The following COL4A4 variants were observed in gnomAD, a reference collection of about 807,000 sequenced individuals.
COL4A4 encodes the protein collagen alpha-4(IV) chain.
COL4A4 carries 105 observed loss-of-function variants against 192.9 expected under a neutral mutation model. The observed-to-expected ratio is 0.54, with a 90% CI of 0.46 to 0.64. COL4A4 has a LOEUF of 0.64. COL4A4 is among the 30% of genes least tolerant of loss of function. The pLI, the probability that COL4A4 is intolerant of heterozygous loss-of-function variation, is 0.00. For missense variants in COL4A4, 1,967 were observed against 2,169.3 expected (o/e 0.91, Z 1.85); for synonymous variants, 762 against 769.9 (o/e 0.99, Z 0.17).
intron 44 of COL4A4, among the ~76,000 whole-genome samples, chr2:227,016,157 G>C (rs1460845658): frequency 6.6e-6 from 1 of 151,948 alleles, no homozygotes; most frequent in African/African-American, 2.4e-5. Flanking sequence ...CTGGCATCTA[G>C]CAGGATAGGG....
intron 22 of COL4A4, among the ~76,000 whole-genome samples, chr2:227,084,078 G>A (rs533503715): frequency 1.3e-5 from 2 of 152,320 alleles, no homozygotes; most frequent in African/African-American, 4.8e-5. Flanking sequence ...AAAAAGGTGG[G>A]TAGAACAAAT....
At chr2:226,988,505 G>A in the COL4A4 span, 2 of 1,526,438 alleles carry the variant, frequency 1.3e-6, no homozygotes, top group African/African-American at 1.4e-5. Context: ...CTCAGGCCTT[G>A]CGAGGTGGAT....
At position 227,022,443 on chromosome 2, in the gene COL4A4, A is replaced by G; in HGVS notation, c.4091-270T>C. On this transcript the variant is annotated intron_variant, in intron 43 of 47. Coordinates refer to ENST00000396625, the MANE Select transcript of COL4A4 (RefSeq NM_000092.5). Reference sequence around the variant, plus strand: ...TGAATGGAGTATCAGAGGATGCAGAAGTATGAAACAGTGAAGGTCGGATGA... The same window carrying G: ...TGAATGGAGTATCAGAGGATGCAGAGGTATGAAACAGTGAAGGTCGGATGA... 6.0e-6 allele frequency: 4 copies of G among 667,362 alleles called. No individual in the cohort carries two copies. The Admixed American group carries it at 7.2e-5, about 12-fold the overall frequency. 41.3% of individuals were successfully genotyped at this position (667,362 alleles called of 1,614,324 possible).
chr2:227,115,319 G>A (rs2061434804), intron 7 of COL4A4, among the ~76,000 whole-genome samples: 1 of 139,338 alleles, frequency 7.2e-6, no homozygotes, highest in African/African-American at 2.8e-5. Flanking sequence ...CTACCAGGCT[G>A]GAGTGCAGTG....
At chr2:227,114,833 C>A in intron 7 of COL4A4, 137 bp from the exon 8 acceptor site, 2 of 727,254 alleles carry the variant, frequency 2.8e-6, no homozygotes, top group Non-Finnish European at 4.8e-6. Flanking sequence ...TTTCTGTATC[C>A]TCTTCCATAT....
At chr2:227,023,259 G>A (rs1340005882) in intron 43 of COL4A4, among the ~76,000 whole-genome samples, 1 of 151,050 alleles carries the variant, frequency 6.6e-6, no homozygotes, top group East Asian at 1.9e-4. Context: ...TGGCCAACAT[G>A]GTGAAACCCC....
intron 30 of COL4A4, 86 bp from the exon 31 acceptor site, chr2:227,054,823 T>A: frequency 7.0e-7 from 1 of 1,434,708 alleles, no homozygotes; most frequent in Non-Finnish European, 9.6e-7. Flanking sequence ...AGAGTCTCAC[T>A]CTGTCACCCA....
intron 4 of COL4A4, among the ~76,000 whole-genome samples, chr2:227,132,174 G>A (rs1470094248): frequency 6.6e-6 from 1 of 152,166 alleles, no homozygotes; most frequent in Admixed American, 6.5e-5. Flanking sequence ...CCCATGCAAA[G>A]CAAGCCAGGG....
intron 20 of COL4A4, 148 bp from the exon 21 acceptor site, chr2:227,090,105 T>C (rs2059833783): frequency 1.6e-6 from 1 of 629,178 alleles, no homozygotes; most frequent in Non-Finnish European, 2.8e-6. Context: ...CCTAGGATTC[T>C]TTCTGTCTGA....
At chr2:227,054,022 G>C (rs540208558) in intron 31 of COL4A4, among the ~76,000 whole-genome samples, 1 of 152,252 alleles carries the variant, frequency 6.6e-6, no homozygotes, top group Non-Finnish European at 1.5e-5. Flanking sequence ...AAATGGTTGA[G>C]GGGTAAAACT....
At chr2:227,119,405 G>A (rs1221620809) in intron 6 of COL4A4, among the ~76,000 whole-genome samples, 1 of 149,418 alleles carries the variant, frequency 6.7e-6, no homozygotes, top group Non-Finnish European at 1.5e-5. Context: ...TTTTATACAT[G>A]TTATACAATA....
At position 227,030,524 on chromosome 2, in the gene COL4A4, C is replaced by G; in HGVS notation, c.3892G>C (p.Gly1298Arg). 6.2e-7 allele frequency: 1 copy of G among 1,614,102 alleles called. No homozygotes were observed. The highest frequency in any genetic ancestry group is 2.2e-5 in the East Asian group (1 of 44,878). The change falls in exon 41 of 48, where the codon GGG (glycine) becomes CGG (arginine). Residue 1298 changes from glycine (G) to arginine (R), a missense_variant. Coordinates refer to ENST00000396625, the MANE Select transcript of COL4A4 (RefSeq NM_000092.5). ...GGTGGGCCAGGGGGACCTGGTGGCC[C>G]TGGTAGACCACAGTCACCTGGCTCC... ...RGEPGDCGLP[G>R]PPGPPGPPGP...
At chr2:227,136,657 C>A (rs2125243002) in intron 4 of COL4A4, among the ~76,000 whole-genome samples, 1 of 152,316 alleles carries the variant, frequency 6.6e-6, no homozygotes, top group East Asian at 1.9e-4. Flanking sequence ...AAATTGCGAA[C>A]CATGGCCGTT....
chr2:227,147,349 C>T, intron 2 of COL4A4, 64 bp downstream of exon 2: 4 of 1,470,806 alleles, frequency 2.7e-6, no homozygotes, highest in Non-Finnish European at 2.9e-6. Context: ...GGTTTACATC[C>T]ATAGAACAAA....
At chr2:227,101,931 G>C (rs1313520651) in intron 15 of COL4A4, 22 bp from the exon 16 acceptor site, 4 of 1,580,202 alleles carry the variant, frequency 2.5e-6, no homozygotes, top group South Asian at 2.3e-5. Context: ...ACAAAAATCA[G>C]GATAAACAGA....
chr2:227,000,900 C>G (rs925653474), downstream of COL4A4, among the ~76,000 whole-genome samples: 1 of 152,036 alleles, frequency 6.6e-6, no homozygotes, highest in African/African-American at 2.4e-5. Context: ...TGCACAAGCT[C>G]TCTTCTCTTG....
chr2:227,077,075 G>A (rs61455952), intron 25 of COL4A4, among the ~76,000 whole-genome samples: 3,121 of 152,286 alleles, frequency 0.02, 100 homozygotes, highest in African/African-American at 0.07. Flanking sequence ...ATGGAAGACA[G>A]TGTGGTGATT....
At position 227,008,289 on chromosome 2, in the gene COL4A4, C is replaced by T. The variant is rs1962651394; in HGVS notation, c.4538G>A (p.Cys1513Tyr). 19 of 1,614,238 alleles carry T rather than the reference C, an allele frequency of 1.2e-5. No individual in the cohort carries two copies. Among genetic ancestry groups the T allele is most frequent in the Non-Finnish European group, 1.6e-5 (19 of 1,180,028 alleles). The change falls in exon 47 of 48, where the codon TGC (cysteine) becomes TAC (tyrosine). Residue 1513 changes from cysteine (C) to tyrosine (Y), a missense_variant. Coordinates refer to ENST00000396625, the MANE Select transcript of COL4A4 (RefSeq NM_000092.5). ...GGGCAGCGTGCTAAATACGGGAAGG[C>T]AAGACCCTGCCAGACCTTGGGAAGG... ...HNQDLGLAGS[C>Y]LPVFSTLPFA...
At chr2:227,009,616 C>G (rs1044982034) in intron 46 of COL4A4, among the ~76,000 whole-genome samples, 8 of 151,392 alleles carry the variant, frequency 5.3e-5, no homozygotes, top group Non-Finnish European at 1.0e-4. Context: ...GAGAATCGCT[C>G]GAACCCTGGA....
Sources: allele counts gnomAD v4.1 joint callset (sites outside exome capture counted in the v4.1 genomes callset), GRCh38; gene constraint gnomAD v4.1.1; transcripts MANE v1.5; gene names NCBI Gene and HGNC (gene_info 2026-07-23, HGNC 2026-07-21).